Variants in CD276 observed in about 807,000 individuals in gnomAD.
CD276 encodes the protein CD276 molecule.
In CD276, 34 loss-of-function variants were observed where a neutral mutation model predicts 50.0. That is an observed-to-expected ratio of 0.68 (90% CI 0.52 to 0.91). The LOEUF (loss-of-function observed/expected upper bound fraction) is 0.91, where lower values mean the gene tolerates loss of function less well. Among genes scored for constraint, CD276 ranks in the 40% least tolerant of loss-of-function variants. The pLI is 0.00. For missense variants in CD276, 634 were observed against 717.5 expected (o/e 0.88, Z 1.33); for synonymous variants, 275 against 313.0 (o/e 0.88, Z 1.28).
At chr15:73,710,991 G>A in intron 8 of CD276, 144 bp from the exon 9 acceptor site, 1 of 754,948 alleles carries the variant, frequency 1.3e-6, no homozygotes, top group Non-Finnish European at 2.2e-6. Flanking sequence ...GCAACCTAGG[G>A]CCCCTTCCCT....
At chr15:73,702,117 G>A (rs1596012561) in intron 2 of CD276, 138 bp from the exon 3 acceptor site, 2 of 685,664 alleles carry the variant, frequency 2.9e-6, no homozygotes, top group Non-Finnish European at 4.8e-6. Flanking sequence ...GAGGTCCTAA[G>A]ACAATAAATT....
In CD276 at chr15:73,699,788, GC is replaced by G. The variant is rs1179476995; in HGVS notation, c.79+72del. ...TGGCAGTTGGGGAGGGGGTGCCCAC[GC>G]CTGTTAGGGGTCCTGCCAAGCCAGC... On this transcript the variant is annotated intron_variant, in intron 2 of 9. Coordinates refer to ENST00000318443, the MANE Select transcript of CD276 (RefSeq NM_001024736.2). The G allele has an allele frequency of 2.7e-6, 4 of 1,499,044 alleles. No homozygotes were observed. The African/African-American group carries it at 5.6e-5, about 21-fold the overall frequency. 92.9% of individuals were successfully genotyped at this position (1,499,044 alleles called of 1,614,324 possible).
intron 1 of CD276, among the ~76,000 whole-genome samples, chr15:73,688,098 T>C (rs1899837778): frequency 6.6e-6 from 1 of 152,062 alleles, no homozygotes; most frequent in Non-Finnish European, 1.5e-5. Context: ...GAGTTGTGCA[T>C]TTGCTACTTT....
In CD276 at chr15:73,713,087, C is replaced by T. The variant is rs956406496; in HGVS notation, c.*131C>T. On this transcript the variant is annotated 3_prime_UTR_variant, in exon 10 of 10. Coordinates refer to ENST00000318443, the MANE Select transcript of CD276 (RefSeq NM_001024736.2). Reference sequence around the variant, plus strand: ...AGGTGGGCTCCTTCTCCAAAGGATGCGATACACAGACCACTGTGCAGCCTT... The same window carrying T: ...AGGTGGGCTCCTTCTCCAAAGGATGTGATACACAGACCACTGTGCAGCCTT... 4.9e-5 allele frequency: 36 copies of T among 736,370 alleles called. No individual in the cohort carries two copies. Among genetic ancestry groups the T allele is most frequent in the South Asian group, 5.7e-5 (3 of 52,804 alleles). The allele number at this position is 736,370 out of a possible 1,614,324, so 45.6% of individuals were successfully genotyped here.
chr15:73,703,599 G>A (rs1900504855), intron 4 of CD276, 60 bp from the exon 5 acceptor site: 18 of 1,330,758 alleles, frequency 1.4e-5, no homozygotes, highest in Non-Finnish European at 1.7e-5. Context: ...GGGGACTCGG[G>A]TGGTAGCCTA....
intron 1 of CD276, chr15:73,686,377 G>T: frequency 1.2e-6 from 1 of 812,078 alleles, no homozygotes; most frequent in African/African-American, 1.9e-5. Context: ...TTTCCTTCCT[G>T]TCCCCTCTTC....
At position 73,712,986 on chromosome 15, in the gene CD276, C is replaced by T; in HGVS notation, c.*30C>T. 1 of 1,607,216 alleles carries T rather than the reference C, an allele frequency of 6.2e-7. No individual in the cohort carries two copies. Among genetic ancestry groups the T allele is most frequent in the African/African-American group, 1.3e-5 (1 of 74,904 alleles). ...GAGGACCAGGGAGCTGCTACCCCTC[C>T]CTACAGCTCCTACCCTCTGGCTGCA... On this transcript the variant is annotated 3_prime_UTR_variant, in exon 10 of 10. Transcript: ENST00000318443.
chr15:73,696,200 C>T (rs1378137706), intron 1 of CD276, among the ~76,000 whole-genome samples: 2 of 152,182 alleles, frequency 1.3e-5, no homozygotes, highest in Admixed American at 6.5e-5. Flanking sequence ...AGGTGACTCA[C>T]CGGGACGGGT....
At chr15:73,708,789 G>A (rs1021665007) in intron 7 of CD276, 2 of 390,042 alleles carry the variant, frequency 5.1e-6, no homozygotes, top group Non-Finnish European at 9.6e-6. Context: ...GTGTAAGTCA[G>A]TCACGTGTGT....
chr15:73,698,282 C>T (rs895896829), intron 1 of CD276, among the ~76,000 whole-genome samples: 1 of 152,228 alleles, frequency 6.6e-6, no homozygotes, highest in Non-Finnish European at 1.5e-5. Context: ...CATTCCCACA[C>T]TCATACACCT....
Position 73,704,201 on chromosome 15 carries a change from C to T in CD276, c.1098C>T (p.Thr366=), listed in dbSNP as rs1205636717. Residue 366 remains threonine (T), a synonymous_variant, in exon 6 of 10, where the codon ACC becomes ACT. Transcript: ENST00000318443. This position sits in a 1 kb window ranked among gnomAD's most constrained non-coding sequence, Gnocchi z 4.1. ...CTCCCTACTCGAAGCCCAGCATGACCCTGGAGCCCAACAAGGACCTGCGGC... is the reference window on the plus strand; with the variant it reads ...CTCCCTACTCGAAGCCCAGCATGACTCTGGAGCCCAACAAGGACCTGCGGC... ...VAAPYSKPSM[T]LEPNKDLRPG... 1.2e-6 allele frequency: 2 copies of T among 1,613,580 alleles called. No individual in the cohort carries two copies. The highest frequency in any genetic ancestry group is 2.7e-5 in the African/African-American group (2 of 74,914).
Position 73,704,622 on chromosome 15 carries a change from C to A in CD276, c.1369+150C>A. ...GGTGCTCACACTCTTCCCCACAAGTCCTTAAGGGACTCGAGCTGATAAGAA... is the reference window on the plus strand; with the variant it reads ...GGTGCTCACACTCTTCCCCACAAGTACTTAAGGGACTCGAGCTGATAAGAA... On this transcript the variant is annotated intron_variant, in intron 6 of 9. Transcript: ENST00000318443. This position sits in a 1 kb window ranked among gnomAD's most constrained non-coding sequence, Gnocchi z 4.1. The A allele has an allele frequency of 9.4e-7, 1 of 1,066,726 alleles. No homozygotes were observed. The highest frequency in any genetic ancestry group is 1.3e-6 in the Non-Finnish European group (1 of 756,272). 66.1% of individuals were successfully genotyped at this position (1,066,726 alleles called of 1,614,324 possible).
In CD276 at chr15:73,703,572, G is replaced by C. The variant is rs910922675; in HGVS notation, c.734-87G>C. On this transcript the variant is annotated intron_variant, in intron 4 of 9. Transcript: ENST00000318443. ...GAAGATGGAACAGGGTCTGGGAATT[G>C]ATGGGGGAAGAGTTTGGGGGACTCG... is the stretch of plus-strand genomic sequence containing the variant. The C allele has an allele frequency of 2.8e-6, 3 of 1,057,252 alleles. No individual in the cohort carries two copies. In the East Asian group the frequency reaches 7.8e-5, roughly 27 times the overall value. The allele number at this position is 1,057,252 out of a possible 1,614,324, so 65.5% of individuals were successfully genotyped here. A position where few individuals can be genotyped will look rare whatever the true frequency, so the allele number is the denominator to read the frequency against.
Position 73,694,561 on chromosome 15 carries a change from C to T in CD276, c.-54-5025C>T, listed in dbSNP as rs992610744. On this transcript the variant is annotated intron_variant, in intron 1 of 9. Transcript: ENST00000318443. ...ACCCATGTGACCATCTGGGTATATC[C>T]AGGGCTGATACTACAGTCCCTCAGG... is the stretch of plus-strand genomic sequence containing the variant. 7.2e-5 allele frequency among the ~76,000 whole-genome samples: 11 copies of T among 152,292 alleles called. 1 individual carries two copies. Among genetic ancestry groups the T allele is most frequent in the South Asian group, 6.2e-4 (3 of 4,832 alleles).
In CD276 at chr15:73,690,211, T is replaced by C. The variant is rs368714382; in HGVS notation, c.-55+5751T>C. Reference sequence around the variant, plus strand: ...TGAATCGTGCATTGAGAACCCATTATGTGCCAAGCCATTGCTAGAATTAAG... The same window carrying C: ...TGAATCGTGCATTGAGAACCCATTACGTGCCAAGCCATTGCTAGAATTAAG... On this transcript the variant is annotated intron_variant, in intron 1 of 9. Coordinates refer to ENST00000318443, the MANE Select transcript of CD276 (RefSeq NM_001024736.2). 9.2e-5 allele frequency among the ~76,000 whole-genome samples: 14 copies of C among 152,352 alleles called. No homozygotes were observed. In the East Asian group the frequency reaches 1.2e-3, roughly 13 times the overall value.
At chr15:73,684,512 T>A (rs1311168911) in intron 1 of CD276, 52 bp downstream of exon 1, 8 of 153,006 alleles carry the variant, frequency 5.2e-5, no homozygotes, top group African/African-American at 1.9e-4. Context: ...CTTTGTCTGC[T>A]GCGGGCCGGG....
intron 1 of CD276, among the ~76,000 whole-genome samples, chr15:73,695,569 C>T (rs1452422512): frequency 6.6e-6 from 1 of 152,152 alleles, no homozygotes; most frequent in African/African-American, 2.4e-5. Flanking sequence ...TTAGTTATCT[C>T]TCTGCCCCTA....
rs1294315608 is a variant in CD276, at chr15:73,703,067, ACCCCAGAGAAGC to A, written c.718_729del (p.Gln240_Pro243del). On this transcript the variant is annotated inframe_deletion, in exon 4 of 10. Transcript: ENST00000318443. ...ATGCGCACAGCTCTGTCACCATCAC[ACCCCAGAGAAGC>A]CCCACAGGTTGCTTTGCTTAAATGT... 5 of 1,604,438 alleles carry A rather than the reference ACCCCAGAGAAGC, an allele frequency of 3.1e-6. No homozygotes were observed. In the South Asian group the frequency reaches 5.5e-5, roughly 18 times the overall value.
rs1596015600 is a variant in CD276 at position 73,703,928 on chromosome 15, G to C, written c.1003G>C (p.Glu335Gln). Residue 335 changes from glutamate (E) to glutamine (Q), a missense_variant, in exon 5 of 10, where the codon GAG (glutamate) becomes CAG (glutamine). Physicochemically the swap from Glu to Gln is conservative, Grantham distance 29. Coordinates refer to ENST00000318443, the MANE Select transcript of CD276 (RefSeq NM_001024736.2). ...GCTGCAGCGCGTGCGTGTGGCGGAC[G>C]AGGGCAGCTTCACCTGCTTCGTGAG... The part of the protein sequence containing the change: ...LRLQRVRVAD[E>Q]GSFTCFVSIR... 6.2e-7 allele frequency: 1 copy of C among 1,613,256 alleles called. No homozygotes were observed. The highest frequency in any genetic ancestry group is 1.7e-4 in the Middle Eastern group (1 of 6,052).
Sources: gnomAD v4.1 joint callset for allele counts (sites outside exome capture counted in the v4.1 genomes callset) on GRCh38, gnomAD v4.1.1 for gene constraint, Gnocchi (gnomAD v3.1) non-coding constraint, MANE v1.5 for transcripts, NCBI Gene and HGNC (gene_info 2026-07-23, HGNC 2026-07-21) for gene names.